The following RNF111 variants were observed in gnomAD, a reference collection of about 807,000 sequenced individuals.
The protein encoded by RNF111 is ring finger protein 111.
A neutral mutation model predicts 95.1 loss-of-function variants in RNF111; 17 were observed. The observed-to-expected ratio is 0.18, with a 90% CI of 0.12 to 0.27. The LOEUF (loss-of-function observed/expected upper bound fraction) is 0.27. Among genes scored for constraint, RNF111 ranks in the 10% least tolerant of loss-of-function variants. RNF111 has a pLI of 1.00. For synonymous variants in RNF111, 440 were observed against 414.8 expected (o/e 1.06, Z -0.74); for missense variants, 1,189 against 1,210.4 (o/e 0.98, Z 0.26).
chr15:59,088,344 G>A (rs1359534913), intron 10 of RNF111, among the ~76,000 whole-genome samples: 1 of 152,190 alleles, frequency 6.6e-6, no homozygotes. Flanking sequence ...AATTTGGGAT[G>A]CAGGAGTTCC....
intron 1 of RNF111, among the ~76,000 whole-genome samples, chr15:59,017,267 G>T (rs2040113244): frequency 6.7e-6 from 1 of 150,222 alleles, no homozygotes; most frequent in African/African-American, 2.4e-5. Context: ...TTTTAAGTTT[G>T]ATTTTCCAGA....
chr15:58,991,319 C>T (rs1367966498), intron 1 of RNF111, among the ~76,000 whole-genome samples: 1 of 151,944 alleles, frequency 6.6e-6, no homozygotes, highest in Admixed American at 6.6e-5. Context: ...AAAAAGCCTC[C>T]AAATACTTAG....
intron 2 of RNF111, among the ~76,000 whole-genome samples, chr15:59,031,913 C>CA (rs1385149087): frequency 6.6e-6 from 1 of 152,066 alleles, no homozygotes; most frequent in Non-Finnish European, 1.5e-5. Flanking sequence ...AAAAATAAGT[C>CA]AGAGTTTTTT....
intron 1 of RNF111, chr15:58,988,521 G>A (rs1330819925): frequency 2.0e-5 from 3 of 152,366 alleles, no homozygotes; most frequent in Non-Finnish European, 4.4e-5. Context: ...ATACAGACGC[G>A]TCAGATTTTG....
In RNF111 at chr15:59,085,706, G is replaced by T. The variant is rs1162211994; in HGVS notation, c.2471G>T (p.Gly824Val). The T allele has an allele frequency of 6.2e-7, 1 of 1,613,414 alleles. No homozygotes were observed. Among genetic ancestry groups the T allele is most frequent in the Non-Finnish European group, 8.5e-7 (1 of 1,179,664 alleles). The change falls in exon 10 of 14, where the codon GGT becomes GTT. Residue 824 changes from glycine (G) to valine (V), a missense_variant. Coordinates refer to ENST00000348370, the MANE Select transcript of RNF111 (RefSeq NM_017610.8). ...AGVTAATYTP[G>V]ALHPHLAHYH... ...GTGACTGCAGCTACTTATACACCTG[G>T]TGCATTGCATCCTCACTTGGCCCAT...
chr15:59,062,718 G>A (rs1444222752), intron 5 of RNF111, among the ~76,000 whole-genome samples: 2 of 152,136 alleles, frequency 1.3e-5, no homozygotes, highest in African/African-American at 4.8e-5. Context: ...TCATTCTACA[G>A]GTGAAGTAAC....
chr15:59,005,188 G>A (rs1365104198), intron 1 of RNF111, among the ~76,000 whole-genome samples: 2 of 151,986 alleles, frequency 1.3e-5, no homozygotes, highest in Non-Finnish European at 2.9e-5. Context: ...TCTTTCTTTA[G>A]TACATACTGT....
chr15:59,021,210 A>T (rs1400926109), intron 1 of RNF111, among the ~76,000 whole-genome samples: 1 of 152,040 alleles, frequency 6.6e-6, no homozygotes, highest in Non-Finnish European at 1.5e-5. Context: ...GAGTGCAGTG[A>T]TGCGATCTCG....
chr15:59,021,649 TA>T (rs1442204520), intron 1 of RNF111, among the ~76,000 whole-genome samples: 2 of 152,184 alleles, frequency 1.3e-5, no homozygotes, highest in African/African-American at 4.8e-5. Flanking sequence ...TCCAATTTTA[TA>T]GACTAAAAAC....
intron 3 of RNF111, among the ~76,000 whole-genome samples, chr15:59,053,018 G>C (rs1315077927): frequency 6.6e-6 from 1 of 151,994 alleles, no homozygotes; most frequent in African/African-American, 2.4e-5. Flanking sequence ...AAATATTAAG[G>C]GGTATTGATG....
At chr15:59,040,400 A>G (rs758440352) in intron 2 of RNF111, among the ~76,000 whole-genome samples, 8 of 152,242 alleles carry the variant, frequency 5.3e-5, no homozygotes, top group Non-Finnish European at 1.2e-4. Context: ...ATTTGCTGCA[A>G]TTACAGGTGT....
At chr15:59,051,506 T>C (rs1450897421) in intron 2 of RNF111, among the ~76,000 whole-genome samples, 1 of 148,520 alleles carries the variant, frequency 6.7e-6, no homozygotes, top group East Asian at 2.0e-4. Flanking sequence ...CTGGGTGCAG[T>C]GGCTCACGCC....
chr15:59,043,494 G>C (rs2041566360), intron 2 of RNF111, among the ~76,000 whole-genome samples: 1 of 152,070 alleles, frequency 6.6e-6, no homozygotes, highest in Non-Finnish European at 1.5e-5. Context: ...GCTGGGCCCT[G>C]GTCCTGCTTG....
At chr15:59,094,759 T>G in intron 13 of RNF111, 24 bp from the exon 14 acceptor site, 1 of 1,362,596 alleles carries the variant, frequency 7.3e-7, no homozygotes, top group Non-Finnish European at 1.1e-6. Flanking sequence ...TAATTTTTGC[T>G]TTTTGTTTTC....
At chr15:59,035,557 A>G (rs866492253) in intron 2 of RNF111, among the ~76,000 whole-genome samples, 8 of 152,190 alleles carry the variant, frequency 5.3e-5, no homozygotes, top group African/African-American at 1.9e-4. Flanking sequence ...CTCCCCAGAA[A>G]ATGGGTTTCC....
chr15:59,001,052 G>C (rs969039422), intron 1 of RNF111, among the ~76,000 whole-genome samples: 5 of 152,142 alleles, frequency 3.3e-5, no homozygotes, highest in Non-Finnish European at 7.3e-5. Context: ...CTAATGTGAG[G>C]TGGTCAGGGA....
intron 1 of RNF111, among the ~76,000 whole-genome samples, chr15:59,004,562 C>A (rs1488995355): frequency 1.3e-5 from 2 of 152,154 alleles, no homozygotes; most frequent in Non-Finnish European, 2.9e-5. Flanking sequence ...ATAATGAATT[C>A]TTGGTTTCCC....
At chr15:59,035,800 C>G (rs1453472600) in intron 2 of RNF111, among the ~76,000 whole-genome samples, 1 of 152,202 alleles carries the variant, frequency 6.6e-6, no homozygotes, top group Non-Finnish European at 1.5e-5. Flanking sequence ...GAGGCTACCT[C>G]TGCCTGGACT....
At position 59,062,051 on chromosome 15, in the gene RNF111, C is replaced by CT. The variant is rs71119429; in HGVS notation, c.1366+3520dup. Among the ~76,000 whole-genome samples, 997 of 122,246 alleles carry CT rather than the reference C, an allele frequency of 8.2e-3. 31 individuals are homozygous for CT. The highest frequency in any genetic ancestry group is 0.035 in the Admixed American group (412 of 11,786). The allele number at this position is 122,246 out of a possible 152,430, so 80.2% of individuals were successfully genotyped here. A position where few individuals can be genotyped will look rare whatever the true frequency, so the allele number is the denominator to read the frequency against. ...TGACCACTATATTTGTTTTAAACTT[C>CT]TTTTTTTTTTTTTTTTTTTCCCCGA... On this transcript the variant is annotated intron_variant, in intron 5 of 13. Coordinates refer to ENST00000348370, the MANE Select transcript of RNF111 (RefSeq NM_017610.8).
Sources: gnomAD v4.1 joint callset for allele counts (sites outside exome capture counted in the v4.1 genomes callset) on GRCh38, gnomAD v4.1.1 for gene constraint, MANE v1.5 for transcripts, NCBI Gene and HGNC (gene_info 2026-07-23, HGNC 2026-07-21) for gene names.